The following LAMA2 variants were observed in gnomAD, a reference collection of about 807,000 sequenced individuals.
LAMA2 encodes the protein laminin subunit alpha-2.
Under a neutral mutation model 364.8 loss-of-function variants are expected in LAMA2, and 269 were observed. That is an observed-to-expected ratio of 0.74 (90% CI 0.67 to 0.82). The LOEUF is 0.82. Among genes scored for constraint, LAMA2 ranks in the 40% least tolerant of loss-of-function variants. LAMA2 has a pLI of 0.00. For missense variants in LAMA2, 3,807 were observed against 3,873.2 expected, an observed-to-expected ratio of 0.98 and a Z score of 0.45; for synonymous variants, 1,379 against 1,370.6, an observed-to-expected ratio of 1.01 and a Z score of -0.14.
At position 129,260,707 on chromosome 6, in the gene LAMA2, A is replaced by G. The variant is rs767575668; in HGVS notation, c.2097-4A>G. Reference sequence around the variant, plus strand: ...TTCACCATCTCTTTTTTCCTCTGCCATAGGTTGAGCTCTGTTAACCTTGAA... The same window carrying G: ...TTCACCATCTCTTTTTTCCTCTGCCGTAGGTTGAGCTCTGTTAACCTTGAA... On this transcript the variant is annotated splice_region_variant and splice_polypyrimidine_tract_variant and intron_variant, in intron 14 of 64. Transcript: ENST00000421865. The G allele has an allele frequency of 2.5e-6, 4 of 1,576,520 alleles. No homozygotes were observed. The highest frequency in any genetic ancestry group is 3.5e-6 in the Non-Finnish European group (4 of 1,146,074).
intron 8 of LAMA2, among the ~76,000 whole-genome samples, chr6:129,162,158 A>G (rs147313895): frequency 6.6e-6 from 1 of 152,142 alleles, no homozygotes; most frequent in South Asian, 2.1e-4. Context: ...CCTCACCAGT[A>G]TCTGTTATTT....
chr6:128,920,648 G>A (rs1052719269), intron 1 of LAMA2, among the ~76,000 whole-genome samples: 1 of 150,120 alleles, frequency 6.7e-6, no homozygotes, highest in African/African-American at 2.5e-5. Context: ...GGCCTTATAA[G>A]TATTTGTTAT....
intron 41 of LAMA2, among the ~76,000 whole-genome samples, chr6:129,432,488 G>A (rs1781645171): frequency 6.6e-6 from 1 of 152,156 alleles, no homozygotes. Context: ...ATAAAAATGG[G>A]GCTTAGAGCT....
At chr6:129,228,150 T>C (rs7753650) in intron 12 of LAMA2, among the ~76,000 whole-genome samples, 20,271 of 152,196 alleles carry the variant, frequency 0.13, 3,373 homozygotes, top group African/African-American at 0.39. Context: ...TATAATCTCC[T>C]GGTGTGCCGT....
chr6:129,482,134 T>A (rs1784378481), intron 55 of LAMA2, among the ~76,000 whole-genome samples: 1 of 152,162 alleles, frequency 6.6e-6, no homozygotes, highest in Admixed American at 6.5e-5. Flanking sequence ...GATAAGACCC[T>A]TTCTCTACAA....
At chr6:128,929,944 C>A in intron 1 of LAMA2, 1 of 733,642 alleles carries the variant, frequency 1.4e-6, no homozygotes, top group Non-Finnish European at 2.3e-6. Context: ...ACAGCCCCAC[C>A]TGGACCCACC....
intron 12 of LAMA2, 116 bp downstream of exon 12, chr6:129,192,969 C>A: frequency 9.3e-7 from 1 of 1,073,550 alleles, no homozygotes; most frequent in Non-Finnish European, 1.4e-6. Flanking sequence ...AATTGGATTG[C>A]CAGAACCAGC....
intron 2 of LAMA2, among the ~76,000 whole-genome samples, chr6:129,059,015 G>C (rs1788690643): frequency 1.3e-5 from 2 of 152,216 alleles, no homozygotes; most frequent in African/African-American, 4.8e-5. Context: ...CTGTTCAGGT[G>C]TGCCGACAGA....
intron 14 of LAMA2, among the ~76,000 whole-genome samples, chr6:129,259,763 C>G (rs1005144883): frequency 1.3e-5 from 2 of 151,902 alleles, no homozygotes; most frequent in African/African-American, 4.8e-5. Context: ...TATATTATCT[C>G]CATTGTATAG....
intron 40 of LAMA2, among the ~76,000 whole-genome samples, chr6:129,414,462 T>TA (rs1780687395): frequency 6.6e-6 from 1 of 152,138 alleles, no homozygotes; most frequent in South Asian, 2.1e-4. Context: ...TAAAGATCTG[T>TA]AAATATACAG....
chr6:129,461,691 A>G (rs1345449748), intron 49 of LAMA2, among the ~76,000 whole-genome samples: 1 of 152,054 alleles, frequency 6.6e-6, no homozygotes, highest in Non-Finnish European at 1.5e-5. Flanking sequence ...CTGTAACATC[A>G]CTAATTATCA....
At chr6:129,450,383 G>T (rs1307746523) in intron 45 of LAMA2, among the ~76,000 whole-genome samples, 1 of 151,438 alleles carries the variant, frequency 6.6e-6, no homozygotes, top group Non-Finnish European at 1.5e-5. Flanking sequence ...ACAGTGGCAC[G>T]ATCTCAGCTC....
chr6:129,315,555 T>G lies in LAMA2; in HGVS notation c.3635T>G (p.Phe1212Cys), dbSNP rs1219458656. The part of the protein sequence containing the change: ...LQHTTTKGIV[F>C]QHPEIVAHMD... ...CACACGACCACCAAGGGCATTGTTTTTCAACATCCAGAGATTGTTGCCCAC... is the reference window on the plus strand; with the variant it reads ...CACACGACCACCAAGGGCATTGTTTGTCAACATCCAGAGATTGTTGCCCAC... The change falls in exon 25 of 65, where the codon TTT (phenylalanine) becomes TGT (cysteine). Residue 1212 changes from phenylalanine to cysteine, a missense_variant. Phe to Cys is a radical substitution (Grantham distance 205). Around this residue, in one of 3 missense-constraint regions of LAMA2, gnomAD observed 3,333 missense variants for 3,345.7 expected, o/e 1.00. Coordinates refer to ENST00000421865, the MANE Select transcript of LAMA2 (RefSeq NM_000426.4). 1 of 1,614,208 alleles carries G rather than the reference T, an allele frequency of 6.2e-7. No homozygotes were observed. The highest frequency in any genetic ancestry group is 1.7e-5 in the Admixed American group (1 of 60,026).
chr6:129,261,845 T>C (rs1426076107), intron 15 of LAMA2, among the ~76,000 whole-genome samples: 1 of 152,110 alleles, frequency 6.6e-6, no homozygotes, highest in Non-Finnish European at 1.5e-5. Flanking sequence ...AAGTACTTGC[T>C]TTTCCAAAAT....
At chr6:129,495,146 G>A (rs986758515) in intron 58 of LAMA2, among the ~76,000 whole-genome samples, 1 of 152,136 alleles carries the variant, frequency 6.6e-6, no homozygotes, top group Non-Finnish European at 1.5e-5. Flanking sequence ...AGGCAGGCTC[G>A]AGTTGTTAGA....
chr6:129,305,139 A>G (rs545807771), intron 22 of LAMA2, among the ~76,000 whole-genome samples: 17 of 152,228 alleles, frequency 1.1e-4, no homozygotes, highest in African/African-American at 4.1e-4. Flanking sequence ...TGTCTTTTTG[A>G]AAAGTTGGTG....
chr6:129,168,034 G>C lies in LAMA2; in HGVS notation c.1306+2359G>C, dbSNP rs530990396. Among the ~76,000 whole-genome samples, 297 of 149,334 alleles carry C rather than the reference G, an allele frequency of 2.0e-3. 2 individuals carry two copies. The highest frequency in any genetic ancestry group is 0.017 in the Admixed American group (249 of 14,974). On this transcript the variant is annotated intron_variant, in intron 9 of 64. Coordinates refer to ENST00000421865, the MANE Select transcript of LAMA2 (RefSeq NM_000426.4). ...TTGTTTGTTTTTTTCTTGTAAATTTGTTTGAGTTCATTGTAGATTCTGGAT... is the reference window on the plus strand; with the variant it reads ...TTGTTTGTTTTTTTCTTGTAAATTTCTTTGAGTTCATTGTAGATTCTGGAT...
intron 5 of LAMA2, among the ~76,000 whole-genome samples, chr6:129,145,273 CCT>C (rs1778368941): frequency 6.6e-6 from 1 of 152,008 alleles, no homozygotes; most frequent in Non-Finnish European, 1.5e-5. Flanking sequence ...CCACACCCAA[CCT>C]CTCCATCATC....
chr6:129,243,999 AG>A (rs1307932796), intron 12 of LAMA2, among the ~76,000 whole-genome samples: 1 of 152,066 alleles, frequency 6.6e-6, no homozygotes, highest in Non-Finnish European at 1.5e-5. Flanking sequence ...GCAGGCAGGC[AG>A]GATGTTTTCC....
Sources: gnomAD v4.1 joint callset for allele counts (sites outside exome capture counted in the v4.1 genomes callset) on GRCh38, gnomAD v4.1.1 for gene constraint, gnomAD v4.1.1 regional missense constraint, MANE v1.5 for transcripts, NCBI Gene and HGNC (gene_info 2026-07-23, HGNC 2026-07-21) for gene names.